Variants in MAN2B1 observed in about 807,000 individuals in gnomAD.
MAN2B1 encodes the protein mannosidase alpha class 2B member 1.
MAN2B1 carries 99 observed loss-of-function variants against 127.5 expected under a neutral mutation model. The observed-to-expected ratio is 0.78, with a 90% confidence interval of 0.66 to 0.92. MAN2B1 has a LOEUF of 0.92. Among genes scored for constraint, MAN2B1 ranks in the 40% least tolerant of loss-of-function variants. MAN2B1 has a pLI of 0.00. For missense variants in MAN2B1, 1,304 were observed against 1,384.8 expected, an observed-to-expected ratio of 0.94 and a Z score of 0.93; for synonymous variants, 573 against 568.8, an observed-to-expected ratio of 1.01 and a Z score of -0.11.
intron 4 of MAN2B1, among the ~76,000 whole-genome samples, chr19:12,664,383 A>T (rs545758784): frequency 6.6e-6 from 1 of 152,198 alleles, no homozygotes; most frequent in East Asian, 1.9e-4. Flanking sequence ...CAAAGCGCAG[A>T]GCAGGCCTGA....
At position 12,652,358 on chromosome 19, in the gene MAN2B1, C is replaced by T; in HGVS notation, c.1928+5G>A. ...CCACCCTCAGGCCTGGTGATCTTCC[C>T]TTACCAGAAGAAGGTCTGGCGAACA... is the stretch of plus-strand genomic sequence containing the variant. On this transcript the variant is annotated splice_donor_5th_base_variant and intron_variant, in intron 15 of 23. Coordinates refer to ENST00000456935, the MANE Select transcript of MAN2B1 (RefSeq NM_000528.4). 1 of 1,613,616 alleles carries T rather than the reference C, an allele frequency of 6.2e-7. No individual in the cohort carries two copies. Among genetic ancestry groups the T allele is most frequent in the Non-Finnish European group, 8.5e-7 (1 of 1,179,626 alleles).
intron 15 of MAN2B1, 35 bp downstream of exon 15, chr19:12,652,328 C>A (rs1446171207): frequency 4.3e-6 from 7 of 1,609,734 alleles, no homozygotes; most frequent in South Asian, 1.1e-5. Context: ...CCGAGCACCA[C>A]CACCCCACCC....
intron 11 of MAN2B1, 76 bp downstream of exon 11, chr19:12,657,370 C>G: frequency 7.5e-7 from 1 of 1,332,604 alleles, no homozygotes; most frequent in Non-Finnish European, 1.0e-6. Flanking sequence ...ACACCTGTCT[C>G]TGTCCCCTTT....
At position 12,658,646 on chromosome 19, in the gene MAN2B1, G is replaced by C. The variant is rs1264545199; in HGVS notation, c.1027-136C>G. 4.0e-5 allele frequency: 32 copies of C among 807,804 alleles called. No homozygotes were observed. In the East Asian group the frequency reaches 8.1e-4, roughly 20 times the overall value. The allele number at this position is 807,804 out of a possible 1,614,324, so 50.0% of individuals were successfully genotyped here. ...ATACATATTTGGCGTGCAAGCCAAT[G>C]GTTGGGTGTGAAAATGAATTTTGGC... On this transcript the variant is annotated intron_variant, in intron 7 of 23. Coordinates refer to ENST00000456935, the MANE Select transcript of MAN2B1 (RefSeq NM_000528.4).
Position 12,665,488 on chromosome 19 carries a change from G to T in MAN2B1, c.300C>A (p.Ile100=). 6.2e-7 allele frequency: 1 copy of T among 1,614,204 alleles called. No individual in the cohort carries two copies. The highest frequency in any genetic ancestry group is 2.2e-5 in the East Asian group (1 of 44,880). Residue 100 remains isoleucine (I), a synonymous_variant, in exon 3 of 24, where the codon ATC becomes ATA. Coordinates refer to ENST00000456935, the MANE Select transcript of MAN2B1 (RefSeq NM_000528.4). Reference sequence around the variant, plus strand: ...GCAAGGCAGAGATGACCGAGTCCAGGATGTACTGCACACCGGCGTGCTGGA... The same window carrying T: ...GCAAGGCAGAGATGACCGAGTCCAGTATGTACTGCACACCGGCGTGCTGGA... ...NDIQHAGVQY[I]LDSVISALLA...
At chr19:12,661,594 G>A (rs1289434352) in intron 6 of MAN2B1, among the ~76,000 whole-genome samples, 23 of 152,294 alleles carry the variant, frequency 1.5e-4, no homozygotes, top group Admixed American at 1.4e-3. Context: ...ACCATGCCAT[G>A]CTATCTCTTG....
intron 18 of MAN2B1, 58 bp downstream of exon 18, chr19:12,649,846 TCCCTCACCA>T: frequency 7.5e-7 from 1 of 1,330,398 alleles, no homozygotes; most frequent in Non-Finnish European, 1.1e-6. Context: ...TCAGCAAATT[TCCCTCACCA>T]CCCCTGGGCC....
chr19:12,650,973 C>CTT (rs60721799), intron 16 of MAN2B1, among the ~76,000 whole-genome samples: 3,406 of 130,236 alleles, frequency 0.026, 174 homozygotes, highest in African/African-American at 0.092. Flanking sequence ...CACCCGGCCT[C>CTT]TTTTTTTTTT....
In MAN2B1 at chr19:12,666,720, T is replaced by TG; in HGVS notation, c.-20dup. 6.5e-7 allele frequency: 1 copy of TG among 1,546,420 alleles called. No homozygotes were observed. Among genetic ancestry groups the TG allele is most frequent in the East Asian group, 2.4e-5 (1 of 40,886 alleles). ...CGCCCATGGCTCAGCAGCTTCCTCC[T>TG]GGGGTTCCCCGGCCCTGGAAAGGCC... On this transcript the variant is annotated 5_prime_UTR_variant, in exon 1 of 24. Coordinates refer to ENST00000456935, the MANE Select transcript of MAN2B1 (RefSeq NM_000528.4).
intron 1 of MAN2B1, among the ~76,000 whole-genome samples, chr19:12,666,097 T>G (rs1376644): frequency 1.3e-5 from 2 of 151,944 alleles, no homozygotes; most frequent in Admixed American, 6.6e-5. Flanking sequence ...CCGTGGGAGG[T>G]GGGGTGATGT....
At chr19:12,650,575 G>T (rs1217561264) in intron 16 of MAN2B1, among the ~76,000 whole-genome samples, 1 of 151,722 alleles carries the variant, frequency 6.6e-6, no homozygotes, top group Non-Finnish European at 1.5e-5. Flanking sequence ...AGCAAGGATG[G>T]TCTCGATCTC....
rs2024211785 is a variant in MAN2B1, at chr19:12,665,531, G to T, written c.263-6C>A. 6.2e-7 allele frequency: 1 copy of T among 1,614,162 alleles called. No homozygotes were observed. Among genetic ancestry groups the T allele is most frequent in the Admixed American group, 1.7e-5 (1 of 60,026 alleles). ...GTGCTGGATGTCATTCTTGACTGTG[G>T]ATAACAGGGATAAGGCTCTCAGGGA... On this transcript the variant is annotated splice_region_variant and splice_polypyrimidine_tract_variant and intron_variant, in intron 2 of 23. Coordinates refer to ENST00000456935, the MANE Select transcript of MAN2B1 (RefSeq NM_000528.4).
rs142734279 is a variant in MAN2B1 at position 12,657,015 on chromosome 19, T to G, written c.1461A>C (p.Lys487Asn). 1.6e-5 allele frequency: 26 copies of G among 1,613,360 alleles called. No individual in the cohort carries two copies. Among genetic ancestry groups the G allele is most frequent in the Non-Finnish European group, 1.6e-5 (19 of 1,179,982 alleles). ...GCTGTTGGCAAAAGGTGAAGTGATC[T>G]TTGAAGCCTCTGAGCCGCGCCAGCG... ...SNALARLRGF[K>N]DHFTFCQQLN... Residue 487 changes from lysine (K) to asparagine (N), a missense_variant, in exon 12 of 24, where the codon AAA (lysine) becomes AAC (asparagine). Coordinates refer to ENST00000456935, the MANE Select transcript of MAN2B1 (RefSeq NM_000528.4).
chr19:12,659,257 G>A (rs963139688), intron 7 of MAN2B1, among the ~76,000 whole-genome samples: 2 of 151,184 alleles, frequency 1.3e-5, no homozygotes, highest in African/African-American at 4.9e-5. Flanking sequence ...TGTTTTGCAC[G>A]AGCTGTGTCC....
At chr19:12,656,542 G>T in intron 13 of MAN2B1, 29 bp downstream of exon 13, 1 of 1,529,900 alleles carries the variant, frequency 6.5e-7, no homozygotes, top group Non-Finnish European at 9.1e-7. Flanking sequence ...AGGAGTCCCA[G>T]CGGGGGAATA....
intron 13 of MAN2B1, chr19:12,656,355 T>TC (rs1374148971): frequency 4.2e-6 from 2 of 476,486 alleles, no homozygotes; most frequent in African/African-American, 5.5e-5. Context: ...AGACTCCGTC[T>TC]CAAAAAAAAA....
chr19:12,650,186 C>T lies in MAN2B1; in HGVS notation c.2083G>A (p.Ala695Thr). The T allele has an allele frequency of 6.2e-7, 1 of 1,613,940 alleles. No homozygotes were observed. The highest frequency in any genetic ancestry group is 8.5e-7 in the Non-Finnish European group (1 of 1,179,986). The change falls in exon 17 of 24, where the codon GCT (alanine) becomes ACT (threonine). Residue 695 changes from alanine to threonine, a missense_variant. Physicochemically the swap from Ala to Thr is moderately conservative, Grantham distance 58. Transcript: ENST00000456935. Reference protein sequence around the residue: ...LVQEVHQNFSAWCSQVVRLYP... With the variant: ...LVQEVHQNFSTWCSQVVRLYP... ...AGGCGAACCACCTGGGAACACCAAG[C>T]TGAGAAGTTCTGGTGCACCTCCTGC...
intron 7 of MAN2B1, among the ~76,000 whole-genome samples, chr19:12,660,745 A>G (rs1202322179): frequency 6.8e-6 from 1 of 146,948 alleles, no homozygotes; most frequent in Non-Finnish European, 1.5e-5. Context: ...GGTGAGACTC[A>G]GGCTGGATTT....
chr19:12,650,705 T>C (rs2023825358), intron 16 of MAN2B1, among the ~76,000 whole-genome samples: 1 of 141,944 alleles, frequency 7.0e-6, no homozygotes, highest in Non-Finnish European at 1.5e-5. Context: ...AGTTTTGCTC[T>C]TGTTGCCCAG....
Sources: allele counts gnomAD v4.1 joint callset (sites outside exome capture counted in the v4.1 genomes callset), GRCh38; gene constraint gnomAD v4.1.1; transcripts MANE v1.5; gene names NCBI Gene and HGNC (gene_info 2026-07-23, HGNC 2026-07-21).